KLF12: variants seen among roughly 807,000 people sequenced by gnomAD.
The protein encoded by KLF12 is Krueppel-like factor 12.
A neutral mutation model predicts 37.8 loss-of-function variants in KLF12; 9 were observed. The ratio of observed to expected loss-of-function variants is 0.24; its 90% confidence interval spans 0.14 to 0.42. The LOEUF (loss-of-function observed/expected upper bound fraction) is 0.42, where lower values mean the gene tolerates loss of function less well. Ranked by LOEUF, KLF12 falls within the 10% of genes least tolerant of loss-of-function variation. KLF12 has a pLI of 1.00. For missense variants in KLF12, 411 were observed against 516.0 expected (o/e 0.80, Z 1.97); for synonymous variants, 208 against 202.1 (o/e 1.03, Z -0.25).
At chr13:74,123,466 T>C (rs1877756622) in intron 1 of KLF12, among the ~76,000 whole-genome samples, 1 of 152,242 alleles carries the variant, frequency 6.6e-6, no homozygotes, top group Non-Finnish European at 1.5e-5. Context: ...GCTTCTTTCT[T>C]GATCTGCCTA....
chr13:73,916,138 A>T (rs1206827279), intron 3 of KLF12, among the ~76,000 whole-genome samples: 3 of 151,926 alleles, frequency 2.0e-5, no homozygotes, highest in African/African-American at 7.3e-5. Flanking sequence ...GGCTTTCATA[A>T]TTAAAAAGCA....
intron 3 of KLF12, among the ~76,000 whole-genome samples, chr13:73,865,118 T>C (rs1179594301): frequency 6.6e-6 from 1 of 152,158 alleles, no homozygotes; most frequent in Non-Finnish European, 1.5e-5. Context: ...ATTGCCTAAA[T>C]TCCAGACATA....
At chr13:74,284,489 T>C in the KLF12 span, among the ~76,000 whole-genome samples, 2 of 152,118 alleles carry the variant, frequency 1.3e-5, no homozygotes, top group Non-Finnish European at 2.9e-5. Context: ...GGATGGTGAG[T>C]CCATTGGCCC....
rs114334524 is a variant in KLF12 at position 73,862,467 on chromosome 13, T to A, written c.124-16094A>T. Among the ~76,000 whole-genome samples the A allele has an allele frequency of 8.9e-3, 1,357 of 152,274 alleles. 12 individuals are homozygous for A. Among genetic ancestry groups the A allele is most frequent in the African/African-American group, 0.03 (1,253 of 41,554 alleles). ...ATCTCTGGCAATAAAATCCATGGCC[T>A]CAACTATTAATGCAATACTAACTCC... On this transcript the variant is annotated intron_variant, in intron 3 of 7. Transcript: ENST00000377669.
intron 1 of KLF12, among the ~76,000 whole-genome samples, chr13:74,112,384 T>TTG (rs67487546): frequency 0.2 from 29,405 of 144,858 alleles, 3,256 homozygotes; most frequent in African/African-American, 0.29. Flanking sequence ...TTTGCAGATA[T>TTG]TGTCTGTGTG....
At chr13:73,705,424 C>T (rs532429137) in intron 7 of KLF12, among the ~76,000 whole-genome samples, 2 of 152,248 alleles carry the variant, frequency 1.3e-5, no homozygotes, top group East Asian at 1.9e-4. Flanking sequence ...CAGGTGTACA[C>T]CACCATGCCC....
the KLF12 span, among the ~76,000 whole-genome samples, chr13:74,205,652 T>C: frequency 6.6e-6 from 1 of 152,190 alleles, no homozygotes; most frequent in Non-Finnish European, 1.5e-5. Flanking sequence ...TTCTTGACCC[T>C]GACGTAGACA....
At chr13:73,968,811 A>G (rs140608567) in intron 2 of KLF12, among the ~76,000 whole-genome samples, 28 of 152,246 alleles carry the variant, frequency 1.8e-4, no homozygotes, top group Non-Finnish European at 4.1e-4. Flanking sequence ...ATCCAAGTCC[A>G]CTTCTCTTCT....
chr13:73,796,375 T>C (rs1473049128), intron 5 of KLF12, among the ~76,000 whole-genome samples: 2 of 96,976 alleles, frequency 2.1e-5, no homozygotes, highest in Non-Finnish European at 2.2e-5. Flanking sequence ...TCACTTTTTT[T>C]CCCTCAACTA....
the KLF12 span, among the ~76,000 whole-genome samples, chr13:74,260,623 T>C: frequency 8.7e-6 from 1 of 115,386 alleles, no homozygotes; most frequent in South Asian, 2.7e-4. Context: ...TAAAATAAAA[T>C]AAAATAGTGA....
At chr13:74,083,304 G>A (rs892575425) in intron 1 of KLF12, among the ~76,000 whole-genome samples, 1 of 152,160 alleles carries the variant, frequency 6.6e-6, no homozygotes, top group Non-Finnish European at 1.5e-5. Context: ...CTTGAGCCCA[G>A]AGACCAGACT....
At chr13:74,006,897 C>G (rs1020462280) in intron 1 of KLF12, among the ~76,000 whole-genome samples, 4 of 152,206 alleles carry the variant, frequency 2.6e-5, no homozygotes, top group African/African-American at 9.6e-5. Flanking sequence ...TTCCAATGCA[C>G]ATGACAAACA....
chr13:73,797,707 C>T (rs1207066109), intron 5 of KLF12, among the ~76,000 whole-genome samples: 2 of 135,308 alleles, frequency 1.5e-5, no homozygotes, highest in Non-Finnish European at 3.0e-5. Flanking sequence ...GAGTTTGAGG[C>T]TTTAATGAGC....
chr13:73,967,632 T>C (rs1019065180), intron 2 of KLF12, among the ~76,000 whole-genome samples: 3 of 152,196 alleles, frequency 2.0e-5, no homozygotes, highest in Non-Finnish European at 4.4e-5. Flanking sequence ...GGCAGGTCTG[T>C]CTCTTCATCA....
chr13:74,140,962 T>G, the KLF12 span, among the ~76,000 whole-genome samples: 5 of 408 alleles, frequency 0.012, no homozygotes, highest in Admixed American at 0.12. Context: ...GGGTGGGGGG[T>G]GCTGAGGCAG....
the KLF12 span, among the ~76,000 whole-genome samples, chr13:74,267,174 T>A: frequency 6.6e-6 from 1 of 152,150 alleles, no homozygotes. Context: ...TATGCCCACA[T>A]CCTAATCCCC....
At chr13:73,703,858 T>G (rs1400341837) in intron 7 of KLF12, among the ~76,000 whole-genome samples, 6 of 152,162 alleles carry the variant, frequency 3.9e-5, no homozygotes. Context: ...GCACGGAGAC[T>G]GCAAATGTGA....
At chr13:74,241,789 C>G in the KLF12 span, among the ~76,000 whole-genome samples, 2 of 152,222 alleles carry the variant, frequency 1.3e-5, no homozygotes. Flanking sequence ...GGCAATGCCT[C>G]GCCCTGCTTC....
At chr13:73,839,979 AC>A (rs1314037265) in intron 4 of KLF12, among the ~76,000 whole-genome samples, 1 of 152,094 alleles carries the variant, frequency 6.6e-6, no homozygotes, top group African/African-American at 2.4e-5. Flanking sequence ...TTAAAGCAAA[AC>A]TACTCCAAAG....
Sources: gnomAD v4.1 joint callset for allele counts (sites outside exome capture counted in the v4.1 genomes callset) on GRCh38, gnomAD v4.1.1 for gene constraint, MANE v1.5 for transcripts, NCBI Gene and HGNC (gene_info 2026-07-23, HGNC 2026-07-21) for gene names.